STRN4: variants seen among roughly 807,000 people sequenced by gnomAD.
STRN4 encodes the protein striatin 4, also known as striatin-4.
A neutral mutation model predicts 77.9 loss-of-function variants in STRN4; 27 were observed. The ratio of observed to expected loss-of-function variants is 0.35; its 90% CI spans 0.26 to 0.48. The LOEUF (loss-of-function observed/expected upper bound fraction) is 0.48, where lower values mean the gene tolerates loss of function less well. Ranked by LOEUF, STRN4 falls within the 20% of genes least tolerant of loss-of-function variation. The pLI, the probability that STRN4 is intolerant of heterozygous loss-of-function variation, is 0.99. For missense variants in STRN4, 798 were observed against 1,049.7 expected (o/e 0.76, Z 3.31); for synonymous variants, 466 against 443.1 (o/e 1.05, Z -0.65).
chr19:46,742,258 A>T (rs2054488154), intron 1 of STRN4, among the ~76,000 whole-genome samples: 1 of 152,138 alleles, frequency 6.6e-6, no homozygotes, highest in African/African-American at 2.4e-5. Flanking sequence ...TTCCTGCTCC[A>T]AACTTATGGT....
At chr19:46,727,870 G>A (rs2122267296) in intron 8 of STRN4, 24 bp downstream of exon 8, 3 of 1,568,318 alleles carry the variant, frequency 1.9e-6, no homozygotes, top group South Asian at 2.3e-5. Context: ...GCAGGACTGG[G>A]ACCAGGTGGG....
chr19:46,738,281 G>A lies in STRN4; in HGVS notation c.387-44C>T. The A allele has an allele frequency of 6.4e-7, 1 of 1,562,570 alleles. No individual in the cohort carries two copies. On this transcript the variant is annotated intron_variant, in intron 2 of 17. Coordinates refer to ENST00000263280, the MANE Select transcript of STRN4 (RefSeq NM_013403.3). This position sits in a 1 kb window ranked among gnomAD's most constrained non-coding sequence, Gnocchi z 4.5. ...AATGAATAAGAGATGCGGGAGAGTA[G>A]ACAGGGTCAGTAGTTACCTAAGGAA... is the stretch of plus-strand genomic sequence containing the variant.
chr19:46,729,163 G>C (rs971851675), intron 6 of STRN4, among the ~76,000 whole-genome samples: 7 of 152,240 alleles, frequency 4.6e-5, no homozygotes, highest in Admixed American at 3.3e-4. Context: ...CAGCATTGCA[G>C]CGATAAACAC....
chr19:46,735,301 G>C (rs1329665250), intron 4 of STRN4, among the ~76,000 whole-genome samples: 1 of 152,010 alleles, frequency 6.6e-6, no homozygotes, highest in Non-Finnish European at 1.5e-5. Context: ...GCAAGACTCT[G>C]TCTCAAAACA....
intron 1 of STRN4, among the ~76,000 whole-genome samples, chr19:46,742,447 G>C (rs992746061): frequency 6.6e-6 from 1 of 152,188 alleles, no homozygotes; most frequent in Non-Finnish European, 1.5e-5. Context: ...ATCTCACAGG[G>C]GAAGTCACAC....
At chr19:46,726,809 A>G (rs1288499213) in intron 9 of STRN4, among the ~76,000 whole-genome samples, 1 of 152,036 alleles carries the variant, frequency 6.6e-6, no homozygotes, top group African/African-American at 2.4e-5. Context: ...AGGATCTGCT[A>G]CTGTGTGGTT....
At chr19:46,732,840 G>A in intron 5 of STRN4, 199 bp downstream of exon 5, 1 of 634,098 alleles carries the variant, frequency 1.6e-6, no homozygotes, top group South Asian at 2.0e-5. Context: ...ATGGCGAAGT[G>A]TGTGGAGGGA....
At chr19:46,730,676 G>T in intron 6 of STRN4, 56 bp downstream of exon 6, 3 of 1,594,404 alleles carry the variant, frequency 1.9e-6, no homozygotes, top group Non-Finnish European at 2.6e-6. Flanking sequence ...ACTCGGAAGG[G>T]CTTCGATCAG....
intron 17 of STRN4, 23 bp from the exon 18 acceptor site, chr19:46,720,361 G>C: frequency 2.5e-6 from 1 of 398,034 alleles, no homozygotes; most frequent in East Asian, 3.8e-5. Flanking sequence ...GAAGGGAGGG[G>C]AGACTGAGCC....
chr19:46,742,560 TTTTTTA>T (rs1453657541), intron 1 of STRN4, among the ~76,000 whole-genome samples: 2 of 152,058 alleles, frequency 1.3e-5, no homozygotes, highest in African/African-American at 2.4e-5. Flanking sequence ...CACTGTTTCT[TTTTTTA>T]TTTTTATTTT....
At chr19:46,739,014 C>T in intron 1 of STRN4, 126 bp from the exon 2 acceptor site, 1 of 757,126 alleles carries the variant, frequency 1.3e-6, no homozygotes, top group Non-Finnish European at 2.2e-6. Flanking sequence ...CAGCCACTTC[C>T]TCAGGCACAA....
In STRN4 at chr19:46,727,930, G is replaced by A. The variant is rs765739479; in HGVS notation, c.1117C>T (p.Pro373Ser). The A allele has an allele frequency of 4.3e-6, 7 of 1,612,950 alleles. No individual in the cohort carries two copies. The highest frequency in any genetic ancestry group is 4.5e-5 in the East Asian group (2 of 44,874). ...VDGLPPKVTG[P>S]PPGTPQPRPH... ...CGGGGCTGGGGTGTGCCAGGAGGCG[G>A]GCCAGTCACTTTTGGGGGCAGCCCA... Residue 373 changes from proline to serine, a missense_variant, in exon 8 of 18, where the codon CCG becomes TCG. Coordinates refer to ENST00000263280, the MANE Select transcript of STRN4 (RefSeq NM_013403.3).
intron 1 of STRN4, among the ~76,000 whole-genome samples, chr19:46,742,700 C>T (rs935823341): frequency 2.6e-5 from 4 of 152,022 alleles, no homozygotes; most frequent in Non-Finnish European, 5.9e-5. Flanking sequence ...GTAGCTGGGA[C>T]TACAGGCGCC....
rs746288310 is a variant in STRN4 at position 46,720,780 on chromosome 19, G to A, written c.2093-9C>T. ...CAGGGAGCAGTCATGGCCTGCACAT[G>A]TGTCGGGGACAGAAGGGGTGGTCAC... On this transcript the variant is annotated splice_polypyrimidine_tract_variant and intron_variant, in intron 16 of 17. Coordinates refer to ENST00000263280, the MANE Select transcript of STRN4 (RefSeq NM_013403.3). 2 of 1,561,570 alleles carry A rather than the reference G, an allele frequency of 1.3e-6. No individual in the cohort carries two copies. The highest frequency in any genetic ancestry group is 1.7e-6 in the Non-Finnish European group (2 of 1,148,114).
intron 11 of STRN4, 44 bp downstream of exon 11, chr19:46,725,288 G>A (rs2054082917): frequency 6.2e-7 from 1 of 1,613,506 alleles, no homozygotes; most frequent in Non-Finnish European, 8.5e-7. Context: ...GAGTCAGGCT[G>A]CATTTAGGAC....
chr19:46,746,313 C>T lies in STRN4; in HGVS notation c.118G>A (p.Gly40Arg). The change falls in exon 1 of 18, where the codon GGG becomes AGG. Residue 40 changes from glycine to arginine, a missense_variant. Physicochemically the swap from Gly to Arg is moderately radical, Grantham distance 125. This residue lies in a region of STRN4 where 511 missense variants were observed against 575.9 expected (regional missense o/e 0.89). Transcript: ENST00000263280. ...CCTCCCTTACCTGCCGGGCCCGGCCCGGGGGCAGGGGCGGAGACCGGGGCC... is the reference window on the plus strand; with the variant it reads ...CCTCCCTTACCTGCCGGGCCCGGCCTGGGGGCAGGGGCGGAGACCGGGGCC... ...GAAPVSAPAP[G>R]PGPAGKGGGG... 1 of 1,356,986 alleles carries T rather than the reference C, an allele frequency of 7.4e-7. No individual in the cohort carries two copies. The highest frequency in any genetic ancestry group is 9.4e-7 in the Non-Finnish European group (1 of 1,059,548). The allele number at this position is 1,356,986 out of a possible 1,614,324, so 84.1% of individuals were successfully genotyped here. A position where few individuals can be genotyped will look rare whatever the true frequency, so the allele number is the denominator to read the frequency against.
intron 8 of STRN4, 137 bp downstream of exon 8, chr19:46,727,757 C>T (rs1431711278): frequency 5.9e-6 from 5 of 846,224 alleles, no homozygotes; most frequent in Admixed American, 2.8e-5. Context: ...GACAGACAGA[C>T]GAACTTTTGG....
rs2054015563 is a variant in STRN4 at position 46,722,952 on chromosome 19, T to C, written c.1766-2A>G. 1 of 1,613,774 alleles carries C rather than the reference T, an allele frequency of 6.2e-7. No homozygotes were observed. The stretch of plus-strand genomic sequence containing the variant: ...CCACTGAGGTGGGGACCCCGTGCTC[T>C]GAGGGCACAGGGAAGAGAAGGCTGC... On this transcript the variant is annotated splice_acceptor_variant, in intron 13 of 17. Coordinates refer to ENST00000263280, the MANE Select transcript of STRN4 (RefSeq NM_013403.3). LOFTEE classifies it high-confidence loss of function.
intron 9 of STRN4, among the ~76,000 whole-genome samples, chr19:46,726,922 A>G (rs556649880): frequency 1.3e-5 from 2 of 152,208 alleles, no homozygotes; most frequent in African/African-American, 4.8e-5. Context: ...TCCACTTCTC[A>G]GGCCTCTGCT....
Sources: allele counts gnomAD v4.1 joint callset (sites outside exome capture counted in the v4.1 genomes callset), GRCh38; gene constraint gnomAD v4.1.1; regional missense constraint gnomAD v4.1.1; non-coding constraint Gnocchi (gnomAD v3.1); transcripts MANE v1.5; gene names NCBI Gene and HGNC (gene_info 2026-07-23, HGNC 2026-07-21).